The following ARHGEF33 variants were observed in gnomAD, a reference collection of about 807,000 sequenced individuals.
The protein encoded by ARHGEF33 is DH and coiled-coil domain-containing protein ENSP00000381780.
In ARHGEF33, 72 loss-of-function variants were observed where a neutral mutation model predicts 101.9. The ratio of observed to expected loss-of-function variants is 0.71; its 90% CI spans 0.58 to 0.86. The LOEUF (loss-of-function observed/expected upper bound fraction) is 0.86. Among genes scored for constraint, ARHGEF33 ranks in the 40% least tolerant of loss-of-function variants. The probability of loss-of-function intolerance (pLI) is 0.00; values close to 1 mark genes in which losing one functional copy is unlikely to be tolerated. For synonymous variants in ARHGEF33, 499 were observed against 442.5 expected (o/e 1.13, Z -1.60); for missense variants, 1,169 against 1,111.3 (o/e 1.05, Z -0.74).
chr2:38,973,847 A>G lies in ARHGEF33; in HGVS notation c.*4A>G. On this transcript the variant is annotated 3_prime_UTR_variant, in exon 18 of 18. Transcript: ENST00000409978. ...TGACCAAGGAACAGCTGTGTAAAAC[A>G]TACTTAAAGTTGTATTGTCAAGTGG... The G allele has an allele frequency of 6.5e-7, 1 of 1,543,300 alleles. No homozygotes were observed. Among genetic ancestry groups the G allele is most frequent in the Non-Finnish European group, 8.7e-7 (1 of 1,143,528 alleles).
chr2:38,945,481 T>C (rs761018182), intron 10 of ARHGEF33, among the ~76,000 whole-genome samples: 26 of 152,228 alleles, frequency 1.7e-4, no homozygotes, highest in Non-Finnish European at 4.4e-5. Flanking sequence ...GGGCCTCACC[T>C]CTCAGATACT....
At chr2:38,910,428 C>A (rs1666484224) in intron 2 of ARHGEF33, among the ~76,000 whole-genome samples, 1 of 152,140 alleles carries the variant, frequency 6.6e-6, no homozygotes, top group Non-Finnish European at 1.5e-5. Flanking sequence ...AAGAAATTAG[C>A]TGGGTGTGGC....
intron 2 of ARHGEF33, among the ~76,000 whole-genome samples, chr2:38,901,600 C>G (rs1666239951): frequency 6.6e-6 from 1 of 152,220 alleles, no homozygotes; most frequent in Admixed American, 6.5e-5. Flanking sequence ...CTACTGATCT[C>G]AGGCTAGAGC....
chr2:38,937,325 AC>A lies in ARHGEF33; in HGVS notation c.566-6del. 3.3e-6 allele frequency: 1 copy of A among 303,902 alleles called. No individual in the cohort carries two copies. Among genetic ancestry groups the A allele is most frequent in the Non-Finnish European group, 5.8e-6 (1 of 173,826 alleles). 18.8% of individuals were successfully genotyped at this position (303,902 alleles called of 1,614,324 possible). A position where few individuals can be genotyped will look rare whatever the true frequency, so the allele number is the denominator to read the frequency against. On this transcript the variant is annotated splice_polypyrimidine_tract_variant and intron_variant, in intron 8 of 17. Coordinates refer to ENST00000409978, the MANE Select transcript of ARHGEF33 (RefSeq NM_001145451.5). ...TCTTTGTTTCCCCGCCCCTCCCCCC[AC>A]CCCACCAGGAGTGAACCCAACAACT...
At chr2:38,943,602 G>A (rs72799415) in intron 9 of ARHGEF33, among the ~76,000 whole-genome samples, 61 of 152,302 alleles carry the variant, frequency 4.0e-4, no homozygotes, top group Non-Finnish European at 6.6e-4. Flanking sequence ...GATTGCTCCT[G>A]CTTTCAGCAT....
chr2:38,956,857 A>G (rs1381129671), intron 13 of ARHGEF33, 42 bp from the exon 14 acceptor site: 2 of 1,544,302 alleles, frequency 1.3e-6, no homozygotes, highest in East Asian at 2.5e-5. Flanking sequence ...ACAAATTTTC[A>G]TGCTGATTAT....
chr2:38,957,937 T>A, intron 14 of ARHGEF33, 97 bp from the exon 15 acceptor site: 2 of 1,425,694 alleles, frequency 1.4e-6, no homozygotes, highest in South Asian at 2.7e-5. Context: ...CAGCAAACTT[T>A]ATCTGAGACA....
intron 15 of ARHGEF33, among the ~76,000 whole-genome samples, chr2:38,958,679 A>ATT (rs1667836110): frequency 1.3e-5 from 2 of 150,860 alleles, no homozygotes; most frequent in African/African-American, 4.9e-5. Context: ...CCAGAGTAAG[A>ATT]TATTGGTTTT....
rs142474097 is a variant in ARHGEF33, at chr2:38,930,939, G to C, written c.363-170G>C. ...TCCAGCTGAGGTAATGAATTAAGTT[G>C]AACCATATGAATTGCTAGTATTTGA... On this transcript the variant is annotated intron_variant, in intron 6 of 17. Transcript: ENST00000409978. Among the ~76,000 whole-genome samples the C allele has an allele frequency of 2.0e-4, 30 of 152,296 alleles. 1 individual carries two copies. Among genetic ancestry groups the C allele is most frequent in the African/African-American group, 6.0e-4 (25 of 41,554 alleles).
intron 17 of ARHGEF33, 76 bp from the exon 18 acceptor site, chr2:38,973,638 A>T (rs1668213591): frequency 7.2e-7 from 1 of 1,393,458 alleles, no homozygotes; most frequent in East Asian, 2.8e-5. Flanking sequence ...ATGCAAAACA[A>T]TTGGGATAGA....
chr2:38,921,568 C>G (rs1173844110), intron 4 of ARHGEF33, 145 bp downstream of exon 4: 5 of 649,796 alleles, frequency 7.7e-6, no homozygotes, highest in Admixed American at 6.7e-5. Context: ...GAGACAGGCA[C>G]CTCAGTGGGT....
chr2:38,901,698 A>G (rs1263649762), intron 2 of ARHGEF33, among the ~76,000 whole-genome samples: 1 of 152,234 alleles, frequency 6.6e-6, no homozygotes, highest in Non-Finnish European at 1.5e-5. Context: ...AGACTAAGCC[A>G]GCAGACTCGG....
chr2:38,915,317 G>T (rs1666606586), intron 2 of ARHGEF33, among the ~76,000 whole-genome samples: 1 of 151,798 alleles, frequency 6.6e-6, no homozygotes, highest in East Asian at 1.9e-4. Context: ...TTTAAGTAGA[G>T]GCGTTATAGT....
chr2:38,925,983 A>G (rs1666860080), intron 4 of ARHGEF33, among the ~76,000 whole-genome samples: 1 of 152,222 alleles, frequency 6.6e-6, no homozygotes. Flanking sequence ...GACACTGACT[A>G]AAATTCATCT....
intron 2 of ARHGEF33, among the ~76,000 whole-genome samples, chr2:38,918,546 G>C (rs1027955751): frequency 3.3e-5 from 5 of 152,182 alleles, no homozygotes; most frequent in Admixed American, 2.6e-4. Context: ...AACACTGACT[G>C]TGTGTTAGGC....
At chr2:38,963,963 GTTA>G (rs1668001106) in intron 16 of ARHGEF33, among the ~76,000 whole-genome samples, 1 of 152,090 alleles carries the variant, frequency 6.6e-6, no homozygotes, top group Non-Finnish European at 1.5e-5. Context: ...CTTTATTTCT[GTTA>G]TTATTACGTT....
intron 2 of ARHGEF33, among the ~76,000 whole-genome samples, chr2:38,900,893 G>A (rs1418925010): frequency 6.6e-6 from 1 of 152,140 alleles, no homozygotes; most frequent in Non-Finnish European, 1.5e-5. Flanking sequence ...GGGTGGAAGA[G>A]GAGGCTCCCG....
chr2:38,929,396 C>T (rs1666944010), intron 5 of ARHGEF33, among the ~76,000 whole-genome samples: 1 of 151,938 alleles, frequency 6.6e-6, no homozygotes, highest in Non-Finnish European at 1.5e-5. Context: ...CCACTGCACT[C>T]CAGCCTGGGC....
At chr2:38,901,975 C>G (rs1214334000) in intron 2 of ARHGEF33, among the ~76,000 whole-genome samples, 1 of 151,796 alleles carries the variant, frequency 6.6e-6, no homozygotes, top group Non-Finnish European at 1.5e-5. Context: ...ATTAGCTGGG[C>G]GTGTTGGCGG....
Sources: allele counts gnomAD v4.1 joint callset (sites outside exome capture counted in the v4.1 genomes callset), GRCh38; gene constraint gnomAD v4.1.1; transcripts MANE v1.5; gene names NCBI Gene and HGNC (gene_info 2026-07-23, HGNC 2026-07-21).